Variants in DCDC1 observed in about 807,000 individuals in gnomAD.
DCDC1 encodes doublecortin domain containing 1, also known as doublecortin domain-containing protein 1.
DCDC1 carries 200 observed loss-of-function variants against 178.3 expected under a neutral mutation model. The ratio of observed to expected loss-of-function variants is 1.12; its 90% CI spans 1.00 to 1.26. DCDC1 has a LOEUF of 1.26. Ranked by LOEUF, DCDC1 falls within the 50% of genes most tolerant of loss-of-function variation. The probability of loss-of-function intolerance (pLI) is 0.00; values close to 1 mark genes in which losing one functional copy is unlikely to be tolerated. For synonymous variants in DCDC1, 690 were observed against 604.8 expected, an observed-to-expected ratio of 1.14 and a Z score of -2.07; for missense variants, 1,983 against 1,749.2, an observed-to-expected ratio of 1.13 and a Z score of -2.38.
chr11:31,328,246 G>A lies in DCDC1; in HGVS notation c.35C>T (p.Ala12Val), dbSNP rs1307042124. 1 of 1,593,350 alleles carries A rather than the reference G, an allele frequency of 6.3e-7. No homozygotes were observed. The highest frequency in any genetic ancestry group is 8.6e-7 in the Non-Finnish European group (1 of 1,167,038). Residue 12 changes from alanine to valine, a missense_variant, in exon 3 of 39, where the codon GCA becomes GTA. Ala to Val is a moderately conservative substitution (Grantham distance 64). Coordinates refer to ENST00000684477, the MANE Select transcript of DCDC1 (RefSeq NM_001387274.1). The stretch of plus-strand genomic sequence containing the variant: ...GAGGGATAAGGAAGACTGAGATAGT[G>A]CTTCTCTGTGATCTTCTGCTCCTGT... ...AKTGAEDHREALSQSSLSLLT... is the reference protein window; with the variant it reads ...AKTGAEDHREVLSQSSLSLLT...
At chr11:31,015,069 C>T (rs1187429519) in intron 20 of DCDC1, among the ~76,000 whole-genome samples, 1 of 151,858 alleles carries the variant, frequency 6.6e-6, no homozygotes, top group Non-Finnish European at 1.5e-5. Context: ...GCCTCAGCCT[C>T]CCAAGTAGCT....
chr11:30,920,690 C>A lies in DCDC1; in HGVS notation c.3293+86G>T, dbSNP rs1946187928. 2.7e-6 allele frequency: 4 copies of A among 1,500,372 alleles called. No homozygotes were observed. In the South Asian group the frequency reaches 5.3e-5, roughly 20 times the overall value. 92.9% of individuals were successfully genotyped at this position (1,500,372 alleles called of 1,614,324 possible). ...GTTTCACAAACTTGGCATGAGCTCC[C>A]TGCATGGGCTCTGTGCTGTTATCGG... On this transcript the variant is annotated intron_variant, in intron 25 of 38. Coordinates refer to ENST00000684477, the MANE Select transcript of DCDC1 (RefSeq NM_001387274.1).
chr11:31,020,546 T>C (rs1952799406), intron 20 of DCDC1, among the ~76,000 whole-genome samples: 1 of 152,214 alleles, frequency 6.6e-6, no homozygotes, highest in Non-Finnish European at 1.5e-5. Flanking sequence ...TTTCCTCATT[T>C]TCAGCACTAT....
chr11:31,046,360 G>T (rs531994012), intron 20 of DCDC1, among the ~76,000 whole-genome samples: 7 of 151,824 alleles, frequency 4.6e-5, no homozygotes, highest in Non-Finnish European at 8.8e-5. Context: ...TGTAAATATG[G>T]AGTGCTACCC....
At chr11:31,250,302 C>CA (rs71060481) in intron 8 of DCDC1, among the ~76,000 whole-genome samples, 41,546 of 141,082 alleles carry the variant, frequency 0.29, 7,563 homozygotes, top group East Asian at 0.63. Context: ...CAAAACAAGG[C>CA]AAAAAAAAAT....
chr11:31,145,938 A>G (rs1964398963), intron 9 of DCDC1, among the ~76,000 whole-genome samples: 1 of 152,140 alleles, frequency 6.6e-6, no homozygotes, highest in African/African-American at 2.4e-5. Flanking sequence ...ACATGCATGT[A>G]TATAATTTGT....
In DCDC1 at chr11:31,296,647, T is replaced by G. The variant is rs12280755; in HGVS notation, c.755-5795A>C. 6.6e-4 allele frequency among the ~76,000 whole-genome samples: 100 copies of G among 152,236 alleles called. 2 individuals carry two copies. Among genetic ancestry groups the G allele is most frequent in the African/African-American group, 2.4e-3 (99 of 41,538 alleles). ...TAATAAAGACATAGCCAAGACTGGG[T>G]AATTTATTTAAAAAGAGGTTTAATT... On this transcript the variant is annotated intron_variant, in intron 6 of 38. Transcript: ENST00000684477.
chr11:30,894,877 G>C (rs1484334714), intron 34 of DCDC1, among the ~76,000 whole-genome samples: 1 of 152,088 alleles, frequency 6.6e-6, no homozygotes, highest in East Asian at 1.9e-4. Context: ...TACCCTGCGA[G>C]CACGATTAGT....
intron 3 of DCDC1, among the ~76,000 whole-genome samples, chr11:31,327,566 T>G (rs1188678416): frequency 6.6e-6 from 1 of 152,160 alleles, no homozygotes; most frequent in Non-Finnish European, 1.5e-5. Flanking sequence ...TTATCGTTAT[T>G]ATCATTATGA....
chr11:31,101,909 T>G (rs1479835633), intron 15 of DCDC1, among the ~76,000 whole-genome samples: 1 of 152,040 alleles, frequency 6.6e-6, no homozygotes, highest in African/African-American at 2.4e-5. Context: ...AAACCCCATC[T>G]CTACGAAAAG....
chr11:31,308,267 A>G (rs966477910), intron 3 of DCDC1, among the ~76,000 whole-genome samples: 1 of 152,216 alleles, frequency 6.6e-6, no homozygotes, highest in Non-Finnish European at 1.5e-5. Context: ...AATGTTTAAA[A>G]CAATGTAAGT....
At chr11:31,251,547 G>C (rs1454977148) in intron 8 of DCDC1, among the ~76,000 whole-genome samples, 2 of 152,058 alleles carry the variant, frequency 1.3e-5, no homozygotes. Flanking sequence ...TATAGAGCTT[G>C]AGTCTTCTCA....
intron 6 of DCDC1, among the ~76,000 whole-genome samples, chr11:31,292,632 C>G (rs1052371353): frequency 2.0e-5 from 3 of 151,914 alleles, no homozygotes; most frequent in Non-Finnish European, 4.4e-5. Context: ...TGAAGAGAAG[C>G]TTAATGGGTA....
Position 31,094,186 on chromosome 11 carries a change from T to C in DCDC1, c.1984-2A>G, listed in dbSNP as rs761300383. 1.3e-6 allele frequency: 1 copy of C among 765,966 alleles called. No individual in the cohort carries two copies. Among genetic ancestry groups the C allele is most frequent in the Non-Finnish European group, 2.4e-6 (1 of 417,718 alleles). 47.4% of individuals were successfully genotyped at this position (765,966 alleles called of 1,614,324 possible). On this transcript the variant is annotated splice_acceptor_variant, in intron 15 of 38. Coordinates refer to ENST00000684477, the MANE Select transcript of DCDC1 (RefSeq NM_001387274.1). LOFTEE classifies it high-confidence loss of function. Reference sequence around the variant, plus strand: ...ATGAAGGACAATATTGGGATCTACCTGTATCATAAGAAGAAGTATGCATTT... The same window carrying C: ...ATGAAGGACAATATTGGGATCTACCCGTATCATAAGAAGAAGTATGCATTT...
At chr11:31,176,219 G>A (rs1967994914) in intron 9 of DCDC1, among the ~76,000 whole-genome samples, 1 of 152,142 alleles carries the variant, frequency 6.6e-6, no homozygotes, top group Admixed American at 6.5e-5. Context: ...AAGAACCAAA[G>A]TGAAATGTTG....
intron 9 of DCDC1, among the ~76,000 whole-genome samples, chr11:31,200,867 A>G (rs556145286): frequency 1.3e-5 from 2 of 151,842 alleles, no homozygotes; most frequent in Admixed American, 1.3e-4. Context: ...GCATGTTCAC[A>G]TTTTTATGAC....
chr11:31,232,465 T>C (rs1975901037), intron 9 of DCDC1, among the ~76,000 whole-genome samples: 1 of 152,164 alleles, frequency 6.6e-6, no homozygotes, highest in African/African-American at 2.4e-5. Flanking sequence ...ATTTTTTCTT[T>C]AATCCTATTC....
At chr11:31,177,918 A>G (rs1007403100) in intron 9 of DCDC1, among the ~76,000 whole-genome samples, 1 of 152,190 alleles carries the variant, frequency 6.6e-6, no homozygotes, top group African/African-American at 2.4e-5. Context: ...CTGCAATGCA[A>G]TAATAGTAGG....
Position 31,137,874 on chromosome 11 carries a change from G to T in DCDC1, c.1222-90C>A, listed in dbSNP as rs962113004. 38 of 590,554 alleles carry T rather than the reference G, an allele frequency of 6.4e-5. No homozygotes were observed. In the Middle Eastern group the frequency reaches 1.1e-3, roughly 16 times the overall value. 36.6% of individuals were successfully genotyped at this position (590,554 alleles called of 1,614,324 possible). A position where few individuals can be genotyped will look rare whatever the true frequency, so the allele number is the denominator to read the frequency against. On this transcript the variant is annotated intron_variant, in intron 9 of 38. Coordinates refer to ENST00000684477, the MANE Select transcript of DCDC1 (RefSeq NM_001387274.1). ...CAAACAACTAGTTAAGCATAATCATGAATGTGATTTGATATTAATTTTGAT... is the reference window on the plus strand; with the variant it reads ...CAAACAACTAGTTAAGCATAATCATTAATGTGATTTGATATTAATTTTGAT...
Sources: gnomAD v4.1 joint callset for allele counts (sites outside exome capture counted in the v4.1 genomes callset) on GRCh38, gnomAD v4.1.1 for gene constraint, MANE v1.5 for transcripts, NCBI Gene and HGNC (gene_info 2026-07-23, HGNC 2026-07-21) for gene names.